LRRK1: variants seen among roughly 807,000 people sequenced by gnomAD.
LRRK1 encodes leucine-rich repeat serine/threonine-protein kinase 1.
In LRRK1, 113 loss-of-function variants were observed where a neutral mutation model predicts 209.1. The ratio of observed to expected loss-of-function variants is 0.54; its 90% CI spans 0.46 to 0.63. The LOEUF (loss-of-function observed/expected upper bound fraction) is 0.63. Ranked by LOEUF, LRRK1 falls within the 30% of genes least tolerant of loss-of-function variation. The probability of loss-of-function intolerance (pLI) is 0.00; values close to 1 mark genes in which losing one functional copy is unlikely to be tolerated. For missense variants in LRRK1, 2,284 were observed against 2,632.2 expected, an observed-to-expected ratio of 0.87 and a Z score of 2.89; for synonymous variants, 1,144 against 1,099.7, an observed-to-expected ratio of 1.04 and a Z score of -0.80.
chr15:100,957,952 G>A (rs1347625919), intron 2 of LRRK1, among the ~76,000 whole-genome samples: 7 of 152,088 alleles, frequency 4.6e-5, no homozygotes, highest in African/African-American at 1.7e-4. Context: ...TGCAACCTCC[G>A]CCTCCCAGGT....
intron 6 of LRRK1, among the ~76,000 whole-genome samples, chr15:101,002,924 G>A (rs1284527999): frequency 6.6e-6 from 1 of 152,124 alleles, no homozygotes; most frequent in Non-Finnish European, 1.5e-5. Flanking sequence ...TAGAGACAGG[G>A]TTTCACCATG....
chr15:100,930,765 A>G (rs2042197293), intron 2 of LRRK1, among the ~76,000 whole-genome samples: 3 of 152,220 alleles, frequency 2.0e-5, no homozygotes, highest in Admixed American at 2.0e-4. Flanking sequence ...GCAGAGCGAC[A>G]AGGATTTTCA....
rs61686012 is a variant in LRRK1, at chr15:101,006,980, G to A, written c.763-1857G>A. ...CCCTCCTGGCCTAAGATCCAGTGCC[G>A]CCCTTCCCTTTTCATCCATGTGAAC... On this transcript the variant is annotated intron_variant, in intron 6 of 33. Transcript: ENST00000388948. Among the ~76,000 whole-genome samples the A allele has an allele frequency of 6.3e-3, 963 of 152,296 alleles. 15 individuals are homozygous for A. The highest frequency in any genetic ancestry group is 0.022 in the African/African-American group (910 of 41,554).
chr15:101,003,718 A>G (rs947858631), intron 6 of LRRK1, among the ~76,000 whole-genome samples: 3 of 152,206 alleles, frequency 2.0e-5, no homozygotes, highest in South Asian at 2.1e-4. Context: ...CCCACAACAC[A>G]TAGGAATTAT....
At position 101,072,053 on chromosome 15, in the gene LRRK1, G is replaced by A. The variant is rs1163948747; in HGVS notation, c.*3205G>A. 2 of 152,214 alleles carry A rather than the reference G, an allele frequency of 1.3e-5. No individual in the cohort carries two copies. The highest frequency in any genetic ancestry group is 2.9e-5 in the Non-Finnish European group (2 of 68,048). 9.4% of individuals were successfully genotyped at this position (152,214 alleles called of 1,614,324 possible). A position where few individuals can be genotyped will look rare whatever the true frequency, so the allele number is the denominator to read the frequency against. On this transcript the variant is annotated 3_prime_UTR_variant, in exon 34 of 34. Transcript: ENST00000388948. ...ATTGCAAGTGGGGGTCTCCGCGGAA[G>A]CTCCTGGCAGTTTTAAGCAGGATTA...
In LRRK1 at chr15:100,989,408, C is replaced by T. The variant is rs1303042153; in HGVS notation, c.762+10C>T. 1 of 1,613,880 alleles carries T rather than the reference C, an allele frequency of 6.2e-7. No homozygotes were observed. The highest frequency in any genetic ancestry group is 8.5e-7 in the Non-Finnish European group (1 of 1,179,914). ...TTATCCGGGAAAAACAGTGAGTAGTCACTGCCTGTGGAGTGTGTTTTAGTT... is the reference window on the plus strand; with the variant it reads ...TTATCCGGGAAAAACAGTGAGTAGTTACTGCCTGTGGAGTGTGTTTTAGTT... On this transcript the variant is annotated intron_variant, in intron 6 of 33. Coordinates refer to ENST00000388948, the MANE Select transcript of LRRK1 (RefSeq NM_024652.6).
intron 6 of LRRK1, among the ~76,000 whole-genome samples, chr15:100,998,840 G>GT (rs2032553913): frequency 6.6e-6 from 1 of 151,674 alleles, no homozygotes; most frequent in Non-Finnish European, 1.5e-5. Flanking sequence ...AGATAGATGG[G>GT]TGGGTAGATG....
intron 6 of LRRK1, among the ~76,000 whole-genome samples, chr15:101,008,129 C>A (rs4319752): frequency 0.16 from 19,144 of 116,056 alleles, 1,813 homozygotes; most frequent in East Asian, 0.51. Flanking sequence ...GGCGACAGAG[C>A]GAGACTCCAT....
At chr15:101,023,767 G>A (rs781652786) in intron 15 of LRRK1, among the ~76,000 whole-genome samples, 8 of 152,242 alleles carry the variant, frequency 5.3e-5, no homozygotes, top group Non-Finnish European at 8.8e-5. Context: ...GTTCTAACAC[G>A]AACTTGGAAG....
At chr15:100,988,902 G>A (rs1422160774) in intron 5 of LRRK1, 89 bp downstream of exon 5, 1 of 1,146,302 alleles carries the variant, frequency 8.7e-7, no homozygotes, top group Non-Finnish European at 1.2e-6. Context: ...TCTCACTCTT[G>A]GCTCTCAAAT....
rs570191142 is a variant in LRRK1 at position 100,980,136 on chromosome 15, C to G, written c.262-3392C>G. ...GAAAACTTGCTCATGATGTGTCATACCAACTTTATTTGTAATGGCCCAAAA... is the reference window on the plus strand; with the variant it reads ...GAAAACTTGCTCATGATGTGTCATAGCAACTTTATTTGTAATGGCCCAAAA... On this transcript the variant is annotated intron_variant, in intron 3 of 33. Coordinates refer to ENST00000388948, the MANE Select transcript of LRRK1 (RefSeq NM_024652.6). Among the ~76,000 whole-genome samples, 129 of 152,238 alleles carry G rather than the reference C, an allele frequency of 8.5e-4. 1 individual carries two copies. Among genetic ancestry groups the G allele is most frequent in the Admixed American group, 7.2e-4 (11 of 15,292 alleles).
intron 20 of LRRK1, among the ~76,000 whole-genome samples, chr15:101,029,577 A>C (rs1228835936): frequency 1.4e-5 from 2 of 146,608 alleles, no homozygotes; most frequent in East Asian, 1.9e-4. Context: ...TTGGTAAATG[A>C]GAGTGAGTGG....
Position 101,024,963 on chromosome 15 carries a change from TC to T in LRRK1, c.2229del (p.Ile743MetfsTer19). On this transcript the variant is annotated frameshift_variant, in exon 16 of 34. Transcript: ENST00000388948. LOFTEE classifies it high-confidence loss of function. The surrounding 1 kb of genome is among the most constrained non-coding windows in gnomAD (Gnocchi z 4.6). The stretch of plus-strand genomic sequence containing the variant: ...AACCTCCAGTTCTGGCTGCTCAACA[TC>T]GAGGTGAGGACACCAGACGCCAGCC... ...VANLQFWLLNIEAKAPNAVVL... is the reference protein window; with the variant it reads ...VANLQFWLLNXEAKAPNAVVL... The T allele has an allele frequency of 1.2e-6, 2 of 1,613,188 alleles. No individual in the cohort carries two copies. The highest frequency in any genetic ancestry group is 1.7e-6 in the Non-Finnish European group (2 of 1,179,786).
At chr15:101,063,144 C>T (rs143928365) in intron 31 of LRRK1, among the ~76,000 whole-genome samples, 55 of 152,336 alleles carry the variant, frequency 3.6e-4, no homozygotes, top group African/African-American at 1.3e-3. Flanking sequence ...TTACACCAGA[C>T]GCAGTTTCTC....
intron 2 of LRRK1, among the ~76,000 whole-genome samples, chr15:100,925,790 A>G (rs187332161): frequency 2.0e-3 from 305 of 152,352 alleles, no homozygotes; most frequent in Non-Finnish European, 3.7e-3. Flanking sequence ...GCTGAGGAAC[A>G]TGAGGGTAAG....
chr15:100,982,970 C>T (rs537008868), intron 3 of LRRK1, among the ~76,000 whole-genome samples: 2 of 152,280 alleles, frequency 1.3e-5, no homozygotes, highest in African/African-American at 2.4e-5. Flanking sequence ...CTCAGAAGTT[C>T]GAGACCAGCC....
In LRRK1 at chr15:100,973,871, G is replaced by A. The variant is rs908255252; in HGVS notation, c.165G>A (p.Thr55=). The A allele has an allele frequency of 9.3e-6, 12 of 1,287,854 alleles. No homozygotes were observed. The highest frequency in any genetic ancestry group is 1.5e-5 in the African/African-American group (1 of 64,828). The allele number at this position is 1,287,854 out of a possible 1,614,324, so 79.8% of individuals were successfully genotyped here. A position where few individuals can be genotyped will look rare whatever the true frequency, so the allele number is the denominator to read the frequency against. ...ACCCTGCAGCGCGGTCCCGCAGGAC[G>A]GAAGGCATCCGCGCCGCGTACAGGC... ...GGDPAARSRR[T]EGIRAAYRRG... Residue 55 remains threonine, a synonymous_variant, in exon 3 of 34, where the codon ACG becomes ACA. Coordinates refer to ENST00000388948, the MANE Select transcript of LRRK1 (RefSeq NM_024652.6).
chr15:101,021,904 T>C lies in LRRK1; in HGVS notation c.1799T>C (p.Leu600Pro), dbSNP rs1419500207. The change falls in exon 14 of 34, where the codon CTG (leucine) becomes CCG (proline). Residue 600 changes from leucine (L) to proline (P), a missense_variant. Coordinates refer to ENST00000388948, the MANE Select transcript of LRRK1 (RefSeq NM_024652.6). ...GGGCAGCTGGGCAACCTCTGGCAGC[T>C]GGACACTGAAGACCTGACCATCAGC... ...ELGQLGNLWQ[L>P]DTEDLTISNV... The C allele has an allele frequency of 1.2e-6, 2 of 1,614,076 alleles. No homozygotes were observed. The highest frequency in any genetic ancestry group is 1.7e-6 in the Non-Finnish European group (2 of 1,180,012).
At position 101,015,367 on chromosome 15, in the gene LRRK1, C is replaced by T; in HGVS notation, c.1574C>T (p.Thr525Ile). 1 of 1,613,814 alleles carries T rather than the reference C, an allele frequency of 6.2e-7. No individual in the cohort carries two copies. Among genetic ancestry groups the T allele is most frequent in the South Asian group, 1.1e-5 (1 of 91,000 alleles). Residue 525 changes from threonine to isoleucine, a missense_variant, in exon 12 of 34, where the codon ACC becomes ATC. This residue lies in a region of LRRK1 where 494 missense variants were observed against 522.1 expected (regional missense o/e 0.95). Transcript: ENST00000388948. ...AAAACGAAGCGTATTGCCTTTTTCA[C>T]CACCAGAGGTCGCCAGCGCTCCGGG... The part of the protein sequence containing the change: ...GLKTKRIAFF[T>I]TRGRQRSGTE...
Sources: gnomAD v4.1 joint callset for allele counts (sites outside exome capture counted in the v4.1 genomes callset) on GRCh38, gnomAD v4.1.1 for gene constraint, gnomAD v4.1.1 regional missense constraint, Gnocchi (gnomAD v3.1) non-coding constraint, MANE v1.5 for transcripts, NCBI Gene and HGNC (gene_info 2026-07-23, HGNC 2026-07-21) for gene names.